Variants in RNGTT observed in about 807,000 individuals in gnomAD.
The protein encoded by RNGTT is RNA guanylyltransferase and 5'-phosphatase.
Under a neutral mutation model 79.3 loss-of-function variants are expected in RNGTT, and 33 were observed. The observed-to-expected ratio is 0.42, with a 90% CI of 0.32 to 0.56. The LOEUF (loss-of-function observed/expected upper bound fraction) is 0.56. RNGTT is among the 20% of genes least tolerant of loss of function. The probability of loss-of-function intolerance (pLI) is 0.17; values close to 1 mark genes in which losing one functional copy is unlikely to be tolerated. For synonymous variants in RNGTT, 222 were observed against 235.9 expected (o/e 0.94, Z 0.54); for missense variants, 497 against 739.1 (o/e 0.67, Z 3.80).
chr6:88,855,127 T>C (rs1273263315), intron 8 of RNGTT, among the ~76,000 whole-genome samples: 1 of 152,112 alleles, frequency 6.6e-6, no homozygotes, highest in East Asian at 1.9e-4. Flanking sequence ...AAGAGAACAC[T>C]GACCAGACTG....
chr6:88,904,631 T>C (rs1783587978), intron 6 of RNGTT, 84 bp downstream of exon 6: 2 of 1,412,990 alleles, frequency 1.4e-6, no homozygotes, highest in African/African-American at 1.5e-5. Context: ...TAAAGAAACA[T>C]GGCCAATATT....
At chr6:88,745,218 T>C (rs1413166473) in intron 13 of RNGTT, among the ~76,000 whole-genome samples, 4 of 152,194 alleles carry the variant, frequency 2.6e-5, no homozygotes. Context: ...AGGTTAACAT[T>C]ACCAGTAATG....
intron 14 of RNGTT, among the ~76,000 whole-genome samples, chr6:88,619,076 C>T (rs1183632738): frequency 6.6e-6 from 1 of 151,954 alleles, no homozygotes; most frequent in Non-Finnish European, 1.5e-5. Flanking sequence ...TCAAATTGTT[C>T]TAGTTTTGGC....
intron 14 of RNGTT, among the ~76,000 whole-genome samples, chr6:88,630,334 C>A (rs1772806601): frequency 6.6e-6 from 1 of 152,166 alleles, no homozygotes; most frequent in Non-Finnish European, 1.5e-5. Flanking sequence ...AACTGTCTTG[C>A]CACCACACTT....
intron 13 of RNGTT, among the ~76,000 whole-genome samples, chr6:88,752,768 A>G (rs189219965): frequency 6.6e-6 from 1 of 152,254 alleles, no homozygotes; most frequent in African/African-American, 2.4e-5. Flanking sequence ...TTATCTGTAA[A>G]CCAAAGGAAT....
intron 13 of RNGTT, among the ~76,000 whole-genome samples, chr6:88,702,556 A>T (rs183517218): frequency 5.3e-5 from 8 of 152,306 alleles, no homozygotes; most frequent in Non-Finnish European, 1.0e-4. Context: ...AACAAAAATT[A>T]ACTCGAGATG....
chr6:88,726,009 CAG>C lies in RNGTT; in HGVS notation c.1439+43763_1439+43764del, dbSNP rs370743130. ...ATAAAGAGAAAGACAAAGAGGAAATCAGAGAGAGAGAGAGAGACAGAGAGTCA... is the reference window on the plus strand; with the variant it reads ...ATAAAGAGAAAGACAAAGAGGAAATCAGAGAGAGAGAGAGACAGAGAGTCA... On this transcript the variant is annotated intron_variant, in intron 13 of 15. Transcript: ENST00000369485. Among the ~76,000 whole-genome samples, 154 of 148,268 alleles carry C rather than the reference CAG, an allele frequency of 1.0e-3. 2 individuals are homozygous for C. In the East Asian group the frequency reaches 0.015, roughly 14 times the overall value.
chr6:88,861,839 ACTT>A (rs1251684263), intron 8 of RNGTT, among the ~76,000 whole-genome samples: 5 of 152,264 alleles, frequency 3.3e-5, no homozygotes, highest in Admixed American at 1.3e-4. Context: ...GTTTTCATAA[ACTT>A]CTTATGTTAC....
At chr6:88,878,455 A>G (rs562327099) in intron 8 of RNGTT, among the ~76,000 whole-genome samples, 1 of 152,244 alleles carries the variant, frequency 6.6e-6, no homozygotes, top group East Asian at 1.9e-4. Context: ...TTTTGCCACT[A>G]TCTACTTACA....
At chr6:88,900,835 G>A (rs1269941736) in intron 6 of RNGTT, among the ~76,000 whole-genome samples, 1 of 148,772 alleles carries the variant, frequency 6.7e-6, no homozygotes, top group Non-Finnish European at 1.5e-5. Flanking sequence ...ACAGGAAACA[G>A]TTTTTAAAAA....
intron 11 of RNGTT, among the ~76,000 whole-genome samples, chr6:88,842,359 A>T (rs928933966): frequency 6.6e-6 from 1 of 152,150 alleles, no homozygotes; most frequent in African/African-American, 2.4e-5. Flanking sequence ...TTGCTTTTAA[A>T]CACTAGATCT....
At chr6:88,727,422 C>CTAAAGTAAAGTTA (rs1776953652) in intron 13 of RNGTT, among the ~76,000 whole-genome samples, 1 of 152,152 alleles carries the variant, frequency 6.6e-6, no homozygotes, top group Non-Finnish European at 1.5e-5. Context: ...AAAGGTGTAT[C>CTAAAGTAAAGTTA]ATCCAGTTTT....
At chr6:88,816,183 C>T (rs930358210) in intron 11 of RNGTT, among the ~76,000 whole-genome samples, 3 of 152,174 alleles carry the variant, frequency 2.0e-5, no homozygotes, top group African/African-American at 7.2e-5. Context: ...TGGGATTTGA[C>T]ATAACACCTT....
At chr6:88,722,524 G>A (rs928742983) in intron 13 of RNGTT, among the ~76,000 whole-genome samples, 6 of 152,258 alleles carry the variant, frequency 3.9e-5, no homozygotes, top group East Asian at 3.9e-4. Context: ...AAAAGCTGCT[G>A]GAGTCATAAT....
In RNGTT at chr6:88,729,798, T is replaced by C. The variant is rs1184331730; in HGVS notation, c.1439+39976A>G. The stretch of plus-strand genomic sequence containing the variant: ...CCCTGATGGAAGTATAACAAAGGCA[T>C]TGCAAGGTCTGACTGCTCTGTCCAA... On this transcript the variant is annotated intron_variant, in intron 13 of 15. Transcript: ENST00000369485. Among the ~76,000 whole-genome samples the C allele has an allele frequency of 2.0e-5, 3 of 152,178 alleles. 1 individual carries two copies. Among genetic ancestry groups the C allele is most frequent in the African/African-American group, 2.4e-5 (1 of 41,450 alleles).
chr6:88,951,201 A>G (rs1785236357), intron 1 of RNGTT, among the ~76,000 whole-genome samples: 1 of 152,170 alleles, frequency 6.6e-6, no homozygotes, highest in Admixed American at 6.5e-5. Flanking sequence ...ACGTGACCAA[A>G]TTGCTGCAAT....
chr6:88,677,062 A>C (rs1774902531), intron 14 of RNGTT, among the ~76,000 whole-genome samples: 1 of 152,228 alleles, frequency 6.6e-6, no homozygotes. Context: ...TGGCAAAAAA[A>C]CACAATTACT....
intron 9 of RNGTT, among the ~76,000 whole-genome samples, chr6:88,851,706 T>C (rs1781679687): frequency 6.6e-6 from 1 of 152,076 alleles, no homozygotes; most frequent in African/African-American, 2.4e-5. Context: ...GTGGTTTGAA[T>C]TATTCTTGGA....
chr6:88,633,455 G>A (rs1024519099), intron 14 of RNGTT, among the ~76,000 whole-genome samples: 3 of 152,074 alleles, frequency 2.0e-5, no homozygotes, highest in Admixed American at 6.6e-5. Context: ...ACTTTCTCTG[G>A]AAAGCCCTTT....
Sources: allele counts gnomAD v4.1 joint callset (sites outside exome capture counted in the v4.1 genomes callset), GRCh38; gene constraint gnomAD v4.1.1; transcripts MANE v1.5; gene names NCBI Gene and HGNC (gene_info 2026-07-23, HGNC 2026-07-21).